Variants in ANO3 observed in about 807,000 individuals in gnomAD.
ANO3 encodes the protein anoctamin 3.
Under a neutral mutation model 144.8 loss-of-function variants are expected in ANO3, and 99 were observed. The observed-to-expected ratio is 0.68, with a 90% CI of 0.58 to 0.81. The LOEUF (loss-of-function observed/expected upper bound fraction) is 0.81. Among genes scored for constraint, ANO3 ranks in the 30% least tolerant of loss-of-function variants. The pLI is 0.00. For missense variants in ANO3, 905 were observed against 1,202.2 expected (o/e 0.75, Z 3.66); for synonymous variants, 414 against 392.6 (o/e 1.05, Z -0.64).
intron 1 of ANO3, among the ~76,000 whole-genome samples, chr11:26,405,469 T>C (rs1348035978): frequency 6.6e-6 from 1 of 151,880 alleles, no homozygotes; most frequent in Non-Finnish European, 1.5e-5. Flanking sequence ...TAGCAGGATA[T>C]GACTGAAAAC....
In ANO3 at chr11:26,258,803, A is replaced by G. The variant is rs570804006; in HGVS notation, c.155-50842A>G. Among the ~76,000 whole-genome samples, 209 of 152,342 alleles carry G rather than the reference A, an allele frequency of 1.4e-3. 1 individual carries two copies. The highest frequency in any genetic ancestry group is 4.9e-3 in the African/African-American group (203 of 41,588). ...AATTAATGTCCAAAGAATGATCAAC[A>G]AAAAATTCAAAATGCCCCTTTCAAG... On this transcript the variant is annotated intron_variant, in intron 1 of 27. Coordinates refer to the ANO3 transcript ENST00000672621.
chr11:26,477,328 A>G (rs1860021695), intron 4 of ANO3, among the ~76,000 whole-genome samples: 1 of 152,026 alleles, frequency 6.6e-6, no homozygotes, highest in South Asian at 2.1e-4. Context: ...CTCCTATCAT[A>G]CTCCCACAGG....
intron 1 of ANO3, among the ~76,000 whole-genome samples, chr11:26,390,296 A>AT (rs1191425601): frequency 6.6e-6 from 1 of 151,992 alleles, no homozygotes; most frequent in Non-Finnish European, 1.5e-5. Flanking sequence ...TTGAAAACAG[A>AT]TTTTTCCCCC....
At chr11:26,313,319 A>C (rs528243383) in intron 1 of ANO3, among the ~76,000 whole-genome samples, 1 of 152,352 alleles carries the variant, frequency 6.6e-6, no homozygotes, top group South Asian at 2.1e-4. Flanking sequence ...CATTGGATTC[A>C]AAATTAGAAG....
intron 5 of ANO3, 127 bp downstream of exon 5, chr11:26,508,389 TTAAA>T (rs1236565599): frequency 3.9e-6 from 3 of 778,666 alleles, no homozygotes; most frequent in Non-Finnish European, 3.9e-6. Flanking sequence ...CTAACAAATG[TTAAA>T]TAAATACATG....
intron 21 of ANO3, among the ~76,000 whole-genome samples, chr11:26,639,572 T>C (rs1201412535): frequency 6.6e-6 from 1 of 152,172 alleles, no homozygotes; most frequent in African/African-American, 2.4e-5. Flanking sequence ...ATAAAAATAA[T>C]TTTCCGGGGT....
intron 14 of ANO3, among the ~76,000 whole-genome samples, chr11:26,577,545 C>G (rs1478413264): frequency 1.0e-5 from 1 of 100,000 alleles, no homozygotes; most frequent in Non-Finnish European, 1.9e-5. Context: ...GCCTGGGCAA[C>G]AAGAGAGAGA....
intron 17 of ANO3, among the ~76,000 whole-genome samples, chr11:26,605,516 T>C (rs1279683113): frequency 6.6e-6 from 1 of 152,244 alleles, no homozygotes; most frequent in Non-Finnish European, 1.5e-5. Context: ...AGCTCCTCTT[T>C]GTACCTCTGG....
intron 3 of ANO3, among the ~76,000 whole-genome samples, chr11:26,446,356 T>C (rs1858702412): frequency 6.6e-6 from 1 of 152,232 alleles, no homozygotes; most frequent in Non-Finnish European, 1.5e-5. Flanking sequence ...GGGCTGATTA[T>C]TGCATGGGAA....
intron 14 of ANO3, chr11:26,567,159 A>G (rs1850621527): frequency 1.5e-6 from 2 of 1,370,020 alleles, no homozygotes; most frequent in Admixed American, 2.9e-5. Flanking sequence ...GGAAGAGGCA[A>G]TATTTAAAGC....
At chr11:26,230,929 G>A (rs1305819760) in intron 1 of ANO3, among the ~76,000 whole-genome samples, 1 of 126,932 alleles carries the variant, frequency 7.9e-6, no homozygotes, top group Non-Finnish European at 1.6e-5. Context: ...GTCTCCCTCT[G>A]TTGCCCCAGC....
intron 16 of ANO3, among the ~76,000 whole-genome samples, 183 bp from the exon 17 acceptor site, chr11:26,599,367 T>G (rs1851729025): frequency 1.3e-5 from 2 of 152,178 alleles, no homozygotes; most frequent in South Asian, 4.1e-4. Flanking sequence ...AAACAACAAA[T>G]TTTGTCCTAT....
chr11:26,302,037 G>A (rs7939895), intron 1 of ANO3, among the ~76,000 whole-genome samples: 138 of 152,328 alleles, frequency 9.1e-4, no homozygotes, highest in African/African-American at 3.3e-3. Context: ...AAGGTACTAG[G>A]CAGAGACTGT....
rs528730342 is a variant in ANO3, at chr11:26,453,537, A to C, written c.314-9493A>C. On this transcript the variant is annotated intron_variant, in intron 3 of 26. Coordinates refer to ENST00000256737, the MANE Select transcript of ANO3 (RefSeq NM_031418.4). ...TTCAACAAGAAGAGCTAACTATCCTAAATATATATGCACCCAATACAGGAG... is the reference window on the plus strand; with the variant it reads ...TTCAACAAGAAGAGCTAACTATCCTCAATATATATGCACCCAATACAGGAG... Among the ~76,000 whole-genome samples, 12 of 152,270 alleles carry C rather than the reference A, an allele frequency of 7.9e-5. No homozygotes were observed. In the East Asian group the frequency reaches 2.3e-3, roughly 29 times the overall value.
At chr11:26,292,818 T>C (rs1853990654) in intron 1 of ANO3, among the ~76,000 whole-genome samples, 1 of 152,286 alleles carries the variant, frequency 6.6e-6, no homozygotes, top group African/African-American at 2.4e-5. Flanking sequence ...GAGGGGCACC[T>C]GGCTGTATGA....
chr11:26,440,466 C>T (rs1488037463), intron 1 of ANO3, among the ~76,000 whole-genome samples: 1 of 151,712 alleles, frequency 6.6e-6, no homozygotes, highest in African/African-American at 2.4e-5. Flanking sequence ...TGGGAAATGA[C>T]CTGGAACTGG....
chr11:26,414,948 C>G (rs535305616), intron 1 of ANO3, among the ~76,000 whole-genome samples: 133 of 151,896 alleles, frequency 8.8e-4, no homozygotes, highest in Non-Finnish European at 1.5e-3. Flanking sequence ...TGACTTCTTT[C>G]GTCCTGAGCC....
chr11:26,196,586 T>C (rs1174495043), intron 1 of ANO3, among the ~76,000 whole-genome samples: 1 of 152,214 alleles, frequency 6.6e-6, no homozygotes, highest in Non-Finnish European at 1.5e-5. Flanking sequence ...TTACAATTTC[T>C]GGTAAACACA....
At chr11:26,516,354 G>A (rs1046800886) in intron 5 of ANO3, among the ~76,000 whole-genome samples, 1 of 151,322 alleles carries the variant, frequency 6.6e-6, no homozygotes, top group Non-Finnish European at 1.5e-5. Context: ...GTTTTTTCCA[G>A]TATTATCACA....
Sources: allele counts gnomAD v4.1 joint callset (sites outside exome capture counted in the v4.1 genomes callset), GRCh38; gene constraint gnomAD v4.1.1; transcripts MANE v1.5; gene names NCBI Gene and HGNC (gene_info 2026-07-23, HGNC 2026-07-21).